Variants in PATJ observed in about 807,000 individuals in gnomAD.
PATJ encodes inaD-like protein.
Under a neutral mutation model 224.9 loss-of-function variants are expected in PATJ, and 190 were observed. The ratio of observed to expected loss-of-function variants is 0.84; its 90% CI spans 0.75 to 0.95. The LOEUF (loss-of-function observed/expected upper bound fraction) is 0.95. Among genes scored for constraint, PATJ ranks in the 40% least tolerant of loss-of-function variants. The pLI is 0.00. For synonymous variants in PATJ, 769 were observed against 820.3 expected (o/e 0.94, Z 1.07); for missense variants, 2,121 against 2,270.3 (o/e 0.93, Z 1.34).
intron 16 of PATJ, among the ~76,000 whole-genome samples, chr1:61,828,097 G>A (rs1658601942): frequency 6.6e-6 from 1 of 152,062 alleles, no homozygotes; most frequent in Non-Finnish European, 1.5e-5. Context: ...GAAAAAATTA[G>A]CCAGGCATGG....
intron 18 of PATJ, 56 bp from the exon 19 acceptor site, chr1:61,861,495 G>T (rs1664609086): frequency 1.9e-4 from 136 of 717,500 alleles, no homozygotes; most frequent in Non-Finnish European, 2.0e-4. Flanking sequence ...CCCTCCCCTT[G>T]CTCCCCACCC....
At chr1:62,130,021 CTCA>C (rs1439066666) in intron 41 of PATJ, among the ~76,000 whole-genome samples, 2 of 152,128 alleles carry the variant, frequency 1.3e-5, no homozygotes, top group Non-Finnish European at 2.9e-5. Context: ...CAGCCAGCCA[CTCA>C]TCATTCTAGC....
chr1:61,864,155 A>T, intron 19 of PATJ, 83 bp from the exon 20 acceptor site: 1 of 1,204,436 alleles, frequency 8.3e-7, no homozygotes, highest in Non-Finnish European at 1.2e-6. Context: ...TCACGCCAGC[A>T]TTTGAAAATT....
intron 41 of PATJ, among the ~76,000 whole-genome samples, chr1:62,144,108 A>T (rs1311058782): frequency 6.6e-6 from 1 of 152,204 alleles, no homozygotes; most frequent in African/African-American, 2.4e-5. Context: ...GCAGGGAGAA[A>T]TCTATCGTTT....
intron 28 of PATJ, among the ~76,000 whole-genome samples, chr1:62,009,761 A>G (rs759887897): frequency 6.6e-6 from 1 of 152,126 alleles, no homozygotes; most frequent in Non-Finnish European, 1.5e-5. Context: ...ACAATGTTCA[A>G]AGCATCTCCA....
chr1:61,786,598 T>A (rs1648582247), intron 7 of PATJ, among the ~76,000 whole-genome samples: 1 of 152,150 alleles, frequency 6.6e-6, no homozygotes, highest in South Asian at 2.1e-4. Context: ...GGCAACTCTA[T>A]CTTTCTAGTT....
chr1:62,129,063 C>T (rs1026747452), intron 41 of PATJ, 118 bp downstream of exon 41: 8 of 595,008 alleles, frequency 1.3e-5, no homozygotes, highest in East Asian at 2.6e-5. Context: ...ATGTGAATTA[C>T]GAAGGTTGAA....
At position 61,856,160 on chromosome 1, in the gene PATJ, C is replaced by T. The variant is rs956637247; in HGVS notation, c.2243C>T (p.Thr748Ile). ...VSVNEYCLDN[T>I]SLAEAVEILK... ...GTCAATGAATACTGTTTGGACAACA[C>T]CTCACTTGCTGAAGCTGTGGAAATA... is the stretch of plus-strand genomic sequence containing the variant. The change falls in exon 18 of 44, where the codon ACC becomes ATC. Residue 748 changes from threonine to isoleucine, a missense_variant. Coordinates refer to ENST00000642238, the MANE Select transcript of PATJ (RefSeq NM_001350145.3). The T allele has an allele frequency of 6.2e-7, 1 of 1,614,146 alleles. No homozygotes were observed.
intron 27 of PATJ, chr1:61,952,268 G>GAGAGAGAGAC (rs1679809820): frequency 1.6e-6 from 1 of 610,572 alleles, no homozygotes; most frequent in Non-Finnish European, 3.1e-6. Context: ...GAGAGAGAGA[G>GAGAGAGAGAC]AGAGAGAGAG....
intron 22 of PATJ, among the ~76,000 whole-genome samples, chr1:61,895,888 G>A (rs1299444200): frequency 2.0e-5 from 3 of 152,194 alleles, no homozygotes; most frequent in African/African-American, 4.8e-5. Flanking sequence ...CATGGGGGCT[G>A]TACCTTGCAG....
intron 26 of PATJ, among the ~76,000 whole-genome samples, chr1:61,919,431 G>A (rs1673953851): frequency 6.6e-6 from 1 of 151,734 alleles, no homozygotes; most frequent in South Asian, 2.1e-4. Context: ...AGCCTCCCAA[G>A]TAGCTGAGAC....
chr1:61,899,772 C>T, intron 23 of PATJ, 118 bp downstream of exon 23: 1 of 640,220 alleles, frequency 1.6e-6, no homozygotes, highest in Non-Finnish European at 2.6e-6. Context: ...CGATAATTCA[C>T]CTGTAAGCTG....
chr1:62,140,295 TGTGA>T (rs1029551361), intron 41 of PATJ, among the ~76,000 whole-genome samples: 6 of 152,098 alleles, frequency 3.9e-5, no homozygotes, highest in Admixed American at 2.0e-4. Context: ...TTTAGAGGGA[TGTGA>T]GTTTTTCCAT....
At chr1:62,135,515 C>CAAA (rs4019805) in intron 41 of PATJ, among the ~76,000 whole-genome samples, 2 of 83,766 alleles carry the variant, frequency 2.4e-5, no homozygotes, top group Admixed American at 1.5e-4. Context: ...GACTCCGTCT[C>CAAA]AAAAAAAAAA....
At chr1:61,863,959 A>C (rs1347634570) in intron 19 of PATJ, among the ~76,000 whole-genome samples, 1 of 152,214 alleles carries the variant, frequency 6.6e-6, no homozygotes, top group Non-Finnish European at 1.5e-5. Context: ...CTAGTGGAGA[A>C]TTGTCAGGTG....
intron 27 of PATJ, among the ~76,000 whole-genome samples, chr1:61,988,870 C>A (rs1569710963): frequency 6.6e-6 from 1 of 152,184 alleles, no homozygotes; most frequent in South Asian, 2.1e-4. Context: ...TTTTAATTTG[C>A]AAGGTTCCCT....
intron 31 of PATJ, among the ~76,000 whole-genome samples, chr1:62,076,248 A>G (rs1213809674): frequency 6.6e-6 from 1 of 152,220 alleles, no homozygotes; most frequent in African/African-American, 2.4e-5. Context: ...CAAAAAACAA[A>G]AAAAACCTGC....
At chr1:61,981,667 G>A (rs561163975) in intron 27 of PATJ, among the ~76,000 whole-genome samples, 2 of 151,130 alleles carry the variant, frequency 1.3e-5, no homozygotes, top group Admixed American at 6.6e-5. Flanking sequence ...CCTATTTGTT[G>A]TGATTCTTTT....
intron 32 of PATJ, among the ~76,000 whole-genome samples, chr1:62,083,864 C>A (rs1261738325): frequency 2.6e-5 from 4 of 152,184 alleles, no homozygotes; most frequent in African/African-American, 9.7e-5. Context: ...TCCTGTTATA[C>A]CAGCCTTTAT....
Sources: gnomAD v4.1 joint callset for allele counts (sites outside exome capture counted in the v4.1 genomes callset) on GRCh38, gnomAD v4.1.1 for gene constraint, MANE v1.5 for transcripts, NCBI Gene and HGNC (gene_info 2026-07-23, HGNC 2026-07-21) for gene names.